Variants in SGK1 observed in about 807,000 individuals in gnomAD.
The protein encoded by SGK1 is serine/threonine-protein kinase Sgk1.
Under a neutral mutation model 64.2 loss-of-function variants are expected in SGK1, and 26 were observed. That is an observed-to-expected ratio of 0.40 (90% confidence interval 0.30 to 0.56). SGK1 has a LOEUF of 0.56. Ranked by LOEUF, SGK1 falls within the 20% of genes least tolerant of loss-of-function variation. The pLI is 0.38. For missense variants in SGK1, 519 were observed against 645.6 expected (o/e 0.80, Z 2.12); for synonymous variants, 265 against 239.7 (o/e 1.11, Z -0.98).
chr6:134,171,841 T>C (rs1189291916), intron 10 of SGK1, 109 bp from the exon 11 acceptor site: 4 of 695,316 alleles, frequency 5.8e-6, no homozygotes, highest in East Asian at 2.7e-5. Context: ...GCTTGGAAGA[T>C]AGATATCTTT....
intron 2 of SGK1, among the ~76,000 whole-genome samples, chr6:134,255,797 C>T (rs959677061): frequency 9.2e-5 from 14 of 151,950 alleles, no homozygotes; most frequent in Admixed American, 8.5e-4. Flanking sequence ...GTTGACCGGG[C>T]TGGTCTTGAA....
intron 3 of SGK1, 104 bp from the exon 4 acceptor site, chr6:134,174,690 G>A (rs779583925): frequency 6.2e-7 from 1 of 1,613,318 alleles, no homozygotes; most frequent in East Asian, 2.2e-5. Context: ...TTTCCACTTT[G>A]CGTCTCCTGG....
At chr6:134,245,544 G>T (rs867802590) in intron 2 of SGK1, among the ~76,000 whole-genome samples, 40 of 152,298 alleles carry the variant, frequency 2.6e-4, no homozygotes, top group African/African-American at 9.4e-4. Flanking sequence ...CACTTTTCCT[G>T]CTAGTTTAGC....
intron 3 of SGK1, among the ~76,000 whole-genome samples, chr6:134,179,115 A>G (rs956253090): frequency 6.6e-6 from 1 of 152,202 alleles, no homozygotes; most frequent in African/African-American, 2.4e-5. Context: ...ATATTTCTCA[A>G]CATATTAGAG....
At chr6:134,206,383 A>ATATATATATTT (rs1562250478) in intron 3 of SGK1, among the ~76,000 whole-genome samples, 8 of 16,592 alleles carry the variant, frequency 4.8e-4, no homozygotes, top group South Asian at 2.9e-3. Flanking sequence ...ATATATATAT[A>ATATATATATTT]TTTTTTTTTT....
intron 3 of SGK1, among the ~76,000 whole-genome samples, chr6:134,204,176 G>A (rs962991979): frequency 6.6e-6 from 1 of 151,164 alleles, no homozygotes; most frequent in Non-Finnish European, 1.5e-5. Context: ...CACTAGAGGT[G>A]GAGATTTTAA....
intron 1 of SGK1, among the ~76,000 whole-genome samples, chr6:134,286,869 A>G (rs1381990867): frequency 2.0e-5 from 3 of 152,224 alleles, no homozygotes; most frequent in African/African-American, 7.2e-5. Context: ...GTGTAGAAAA[A>G]GACAAGGACT....
At chr6:134,315,915 A>G (rs546791024) in intron 1 of SGK1, among the ~76,000 whole-genome samples, 150 of 152,312 alleles carry the variant, frequency 9.8e-4, no homozygotes, top group African/African-American at 3.5e-3. Flanking sequence ...ATTTTCATAA[A>G]GGGCTCTTCC....
At chr6:134,193,984 T>C (rs1775558407) in intron 3 of SGK1, among the ~76,000 whole-genome samples, 1 of 151,934 alleles carries the variant, frequency 6.6e-6, no homozygotes, top group Admixed American at 6.6e-5. Context: ...CGTCCCATCC[T>C]CAAGGCACAC....
chr6:134,225,008 C>CAAAAAAAA (rs779785039), intron 2 of SGK1, among the ~76,000 whole-genome samples: 4 of 39,806 alleles, frequency 1.0e-4, no homozygotes, highest in Admixed American at 3.2e-4. Flanking sequence ...GACTCCATCT[C>CAAAAAAAA]AAAAAAAAAA....
At chr6:134,199,230 G>A (rs1300923223) in intron 3 of SGK1, among the ~76,000 whole-genome samples, 1 of 152,126 alleles carries the variant, frequency 6.6e-6, no homozygotes, top group Non-Finnish European at 1.5e-5. Context: ...CCTGGGTGAT[G>A]AAACAGTCTG....
intron 1 of SGK1, among the ~76,000 whole-genome samples, chr6:134,263,985 C>T (rs1240780393): frequency 1.3e-5 from 2 of 152,120 alleles, no homozygotes; most frequent in Non-Finnish European, 1.5e-5. Flanking sequence ...TATTTTCAAT[C>T]CCATTATACA....
intron 2 of SGK1, among the ~76,000 whole-genome samples, chr6:134,245,472 A>T (rs1776512803): frequency 6.6e-6 from 1 of 152,246 alleles, no homozygotes; most frequent in Admixed American, 6.5e-5. Flanking sequence ...AAACCTTCAG[A>T]ATCAGGGCTA....
At chr6:134,274,663 A>C (rs532438593) in intron 1 of SGK1, among the ~76,000 whole-genome samples, 5 of 150,842 alleles carry the variant, frequency 3.3e-5, no homozygotes, top group Admixed American at 2.0e-4. Flanking sequence ...GTATTCCAAA[A>C]TCTGAAAAAA....
In SGK1 at chr6:134,267,776, TG is replaced by T. The variant is rs200613497; in HGVS notation, c.70-5629del. Among the ~76,000 whole-genome samples the T allele has an allele frequency of 5.7e-3, 868 of 152,288 alleles. 7 individuals carry two copies. The highest frequency in any genetic ancestry group is 0.019 in the African/African-American group (806 of 41,566). ...TCCACACAGAATGTAGCAAGGGATATGGAGAAATACTCCCTTTCTCCAGAAG... is the reference window on the plus strand; with the variant it reads ...TCCACACAGAATGTAGCAAGGGATATGAGAAATACTCCCTTTCTCCAGAAG... On this transcript the variant is annotated intron_variant, in intron 1 of 13. Coordinates refer to ENST00000367858, the MANE Select transcript of SGK1 (RefSeq NM_001143676.3).
At chr6:134,238,821 A>C (rs748405881) in intron 2 of SGK1, among the ~76,000 whole-genome samples, 7 of 152,212 alleles carry the variant, frequency 4.6e-5, no homozygotes, top group Non-Finnish European at 8.8e-5. Flanking sequence ...AATCGGATTC[A>C]GAACAAGTTC....
chr6:134,174,231 A>G (rs1340724849), intron 4 of SGK1, 151 bp from the exon 5 acceptor site: 1 of 621,612 alleles, frequency 1.6e-6, no homozygotes, highest in Non-Finnish European at 2.8e-6. Context: ...GTTAAAGAAA[A>G]TAATAAACCC....
chr6:134,254,175 G>A (rs1165541535), intron 2 of SGK1, among the ~76,000 whole-genome samples: 1 of 145,320 alleles, frequency 6.9e-6, no homozygotes, highest in Non-Finnish European at 1.5e-5. Flanking sequence ...AGCTAATAAA[G>A]GCAAAAAGAA....
chr6:134,282,956 C>T (rs896103382), intron 1 of SGK1: 1 of 151,726 alleles, frequency 6.6e-6, no homozygotes, highest in African/African-American at 2.4e-5. Context: ...CTCAGAAAGG[C>T]CAGGACAACA....
Sources: allele counts gnomAD v4.1 joint callset (sites outside exome capture counted in the v4.1 genomes callset), GRCh38; gene constraint gnomAD v4.1.1; transcripts MANE v1.5; gene names NCBI Gene and HGNC (gene_info 2026-07-23, HGNC 2026-07-21).